DOCK3: variants seen among roughly 807,000 people sequenced by gnomAD.
The protein encoded by DOCK3 is dedicator of cytokinesis 3.
In DOCK3, 60 loss-of-function variants were observed where a neutral mutation model predicts 265.6. That is an observed-to-expected ratio of 0.23 (90% CI 0.18 to 0.28). The LOEUF (loss-of-function observed/expected upper bound fraction) is 0.28, where lower values mean the gene tolerates loss of function less well. DOCK3 is among the 10% of genes least tolerant of loss of function. The pLI, the probability that DOCK3 is intolerant of heterozygous loss-of-function variation, is 1.00. For synonymous variants in DOCK3, 881 were observed against 938.0 expected (o/e 0.94, Z 1.11); for missense variants, 1,981 against 2,594.3 (o/e 0.76, Z 5.14).
At chr3:50,877,023 T>C in intron 3 of DOCK3, 1 of 163,118 alleles carries the variant, frequency 6.1e-6, no homozygotes, top group Non-Finnish European at 1.3e-5. Context: ...ACAATTCTTC[T>C]TTGAGTGTGG....
intron 1 of DOCK3, among the ~76,000 whole-genome samples, chr3:50,757,163 CTTTTTTTTT>C (rs34435343): frequency 4.9e-5 from 4 of 81,626 alleles, no homozygotes; most frequent in South Asian, 6.5e-4. Flanking sequence ...AGATTGTCGT[CTTTTTTTTT>C]TTTTTTTTTT....
intron 5 of DOCK3, among the ~76,000 whole-genome samples, chr3:50,993,843 A>G (rs1298849931): frequency 6.6e-6 from 1 of 152,130 alleles, no homozygotes; most frequent in African/African-American, 2.4e-5. Flanking sequence ...ATGACTTCCT[A>G]TGATATTCAG....
At chr3:51,123,817 A>G (rs1469676784) in intron 9 of DOCK3, among the ~76,000 whole-genome samples, 1 of 152,208 alleles carries the variant, frequency 6.6e-6, no homozygotes, top group African/African-American at 2.4e-5. Context: ...CAGTCTAGGC[A>G]TAGTGAGCCA....
At chr3:50,843,190 A>G (rs2045923605) in intron 3 of DOCK3, among the ~76,000 whole-genome samples, 1 of 152,148 alleles carries the variant, frequency 6.6e-6, no homozygotes, top group Admixed American at 6.5e-5. Context: ...TTTATCTCTT[A>G]TGCTTTTGTG....
intron 4 of DOCK3, among the ~76,000 whole-genome samples, chr3:50,922,815 TA>T (rs1336434575): frequency 1.3e-5 from 2 of 151,984 alleles, no homozygotes; most frequent in African/African-American, 4.8e-5. Context: ...GGGGTTTGGT[TA>T]CATAAGAAAG....
chr3:50,688,458 C>CATTA (rs1442974388), intron 1 of DOCK3, among the ~76,000 whole-genome samples: 1 of 152,022 alleles, frequency 6.6e-6, no homozygotes, highest in African/African-American at 2.4e-5. Context: ...TTGGTATTTT[C>CATTA]ATTAATTAAT....
intron 5 of DOCK3, among the ~76,000 whole-genome samples, chr3:50,969,610 A>C (rs931611132): frequency 6.6e-6 from 1 of 152,174 alleles, no homozygotes; most frequent in African/African-American, 2.4e-5. Context: ...TATGATGGCA[A>C]GTATCAACCT....
chr3:51,141,812 A>G (rs2085078807), intron 9 of DOCK3, among the ~76,000 whole-genome samples: 3 of 152,304 alleles, frequency 2.0e-5, no homozygotes, highest in South Asian at 4.1e-4. Flanking sequence ...CAAGCTTTAT[A>G]AAGATTGAAG....
At chr3:50,725,648 C>T (rs2037774539) in intron 1 of DOCK3, among the ~76,000 whole-genome samples, 2 of 152,086 alleles carry the variant, frequency 1.3e-5, no homozygotes, top group South Asian at 4.1e-4. Flanking sequence ...ACCTACTCAC[C>T]GTCTCCCATT....
chr3:51,208,920 A>G, intron 13 of DOCK3, 58 bp downstream of exon 13: 1 of 1,498,994 alleles, frequency 6.7e-7, no homozygotes, highest in Non-Finnish European at 9.1e-7. Context: ...CTACTCATAC[A>G]GCACTTAGAT....
intron 5 of DOCK3, among the ~76,000 whole-genome samples, chr3:51,004,284 G>A (rs146200530): frequency 0.017 from 2,560 of 152,212 alleles, 51 homozygotes; most frequent in African/African-American, 0.042. Flanking sequence ...AGAGGCCCAT[G>A]TGAGTGAATT....
At chr3:51,228,119 C>G in intron 17 of DOCK3, 31 bp downstream of exon 17, 7 of 1,600,968 alleles carry the variant, frequency 4.4e-6, no homozygotes, top group Non-Finnish European at 6.0e-6. Context: ...TCATCCCCAC[C>G]CCTTACCTGC....
At chr3:51,375,673 C>A (rs2088051021) in intron 50 of DOCK3, 75 bp from the exon 51 acceptor site, 2 of 1,523,870 alleles carry the variant, frequency 1.3e-6, no homozygotes, top group South Asian at 1.1e-5. Context: ...TCCTGTCTCT[C>A]GTCGCCCACA....
At chr3:51,021,277 A>G (rs927796496) in intron 5 of DOCK3, among the ~76,000 whole-genome samples, 2 of 149,880 alleles carry the variant, frequency 1.3e-5, no homozygotes, top group Non-Finnish European at 2.9e-5. Flanking sequence ...CCCAAGACAC[A>G]TAATCATCAG....
chr3:50,885,305 C>T (rs940504172), intron 3 of DOCK3, among the ~76,000 whole-genome samples: 45 of 149,756 alleles, frequency 3.0e-4, no homozygotes, highest in Middle Eastern at 3.6e-3. Context: ...TGAAGGACAT[C>T]GTAGTTTCTT....
intron 10 of DOCK3, among the ~76,000 whole-genome samples, chr3:51,157,658 C>G (rs1401443006): frequency 6.6e-6 from 1 of 152,152 alleles, no homozygotes; most frequent in Non-Finnish European, 1.5e-5. Flanking sequence ...GGAGCGAGTG[C>G]CTTCTTAAAT....
chr3:51,280,330 C>T, intron 27 of DOCK3, 126 bp downstream of exon 27: 1 of 873,090 alleles, frequency 1.1e-6, no homozygotes, highest in Middle Eastern at 2.5e-4. Context: ...ATTCACCAGC[C>T]CTGCTTTACA....
chr3:50,934,433 G>A (rs1419282594), intron 5 of DOCK3, among the ~76,000 whole-genome samples: 2 of 152,154 alleles, frequency 1.3e-5, no homozygotes, highest in Non-Finnish European at 2.9e-5. Context: ...ACCCAGTGGT[G>A]GGTATAAAGG....
At chr3:51,199,108 G>A (rs546932079) in intron 12 of DOCK3, among the ~76,000 whole-genome samples, 17 of 152,312 alleles carry the variant, frequency 1.1e-4, no homozygotes, top group South Asian at 4.1e-4. Flanking sequence ...CAGCGTCAGC[G>A]ACACAGAAGA....
Sources: allele counts gnomAD v4.1 joint callset (sites outside exome capture counted in the v4.1 genomes callset), GRCh38; gene constraint gnomAD v4.1.1; transcripts MANE v1.5; gene names NCBI Gene and HGNC (gene_info 2026-07-23, HGNC 2026-07-21).